ZKSCAN8: variants seen among roughly 807,000 people sequenced by gnomAD.
ZKSCAN8 encodes zinc finger with KRAB and SCAN domains 8.
Under a neutral mutation model 57.2 loss-of-function variants are expected in ZKSCAN8, and 27 were observed. The ratio of observed to expected loss-of-function variants is 0.47; its 90% confidence interval spans 0.35 to 0.65. The LOEUF is 0.65. ZKSCAN8 is among the 30% of genes least tolerant of loss of function. ZKSCAN8 has a pLI of 0.01. For missense variants in ZKSCAN8, 597 were observed against 696.3 expected, an observed-to-expected ratio of 0.86 and a Z score of 1.60; for synonymous variants, 214 against 248.7, an observed-to-expected ratio of 0.86 and a Z score of 1.31.
In ZKSCAN8 at chr6:28,158,179, TTTGGC is replaced by T. The variant is rs1323806766; in HGVS notation, c.*4166_*4170del. 2 of 152,138 alleles carry T rather than the reference TTTGGC, an allele frequency of 1.3e-5. No homozygotes were observed. Among genetic ancestry groups the T allele is most frequent in the African/African-American group, 2.4e-5 (1 of 41,424 alleles). 9.4% of individuals were successfully genotyped at this position (152,138 alleles called of 1,614,324 possible). On this transcript the variant is annotated 3_prime_UTR_variant, in exon 6 of 6. Transcript: ENST00000330236. Reference sequence around the variant, plus strand: ...TTTTATATTGTTGAATTCTCCCTCCTTTGGCTTGTGGGATCCTTTTTCTCTAATAT... The same window carrying T: ...TTTTATATTGTTGAATTCTCCCTCCTTTGTGGGATCCTTTTTCTCTAATAT...
At position 28,156,178 on chromosome 6, in the gene ZKSCAN8, C is replaced by G. The variant is rs1005766215; in HGVS notation, c.*2161C>G. The G allele has an allele frequency of 2.0e-5, 8 of 396,856 alleles. No individual in the cohort carries two copies. The highest frequency in any genetic ancestry group is 1.6e-4 in the African/African-American group (8 of 48,516). 24.6% of individuals were successfully genotyped at this position (396,856 alleles called of 1,614,324 possible). A position where few individuals can be genotyped will look rare whatever the true frequency, so the allele number is the denominator to read the frequency against. Reference sequence around the variant, plus strand: ...GTGTATGTACACATGTGTATGTACACACACACACACACCTGCCATACACTT... The same window carrying G: ...GTGTATGTACACATGTGTATGTACAGACACACACACACCTGCCATACACTT... On this transcript the variant is annotated 3_prime_UTR_variant, in exon 6 of 6. Coordinates refer to ENST00000330236, the MANE Select transcript of ZKSCAN8 (RefSeq NM_006298.4).
At position 28,145,792 on chromosome 6, in the gene ZKSCAN8, G is replaced by C. The variant is rs377722164; in HGVS notation, c.-92-2524G>C. 8.4e-4 allele frequency among the ~76,000 whole-genome samples: 128 copies of C among 152,278 alleles called. 3 individuals carry two copies. In the South Asian group the frequency reaches 0.025, roughly 30 times the overall value. The stretch of plus-strand genomic sequence containing the variant: ...TTCTCCTTTCTCAGAGTCTGTCTCT[G>C]TGTCTTTTTTCCTTTTAAAAGTGTG... On this transcript the variant is annotated intron_variant, in intron 1 of 5. Coordinates refer to ENST00000330236, the MANE Select transcript of ZKSCAN8 (RefSeq NM_006298.4).
In ZKSCAN8 at chr6:28,155,294, T is replaced by C. The variant is rs1443765799; in HGVS notation, c.*1277T>C. On this transcript the variant is annotated 3_prime_UTR_variant, in exon 6 of 6. Coordinates refer to ENST00000330236, the MANE Select transcript of ZKSCAN8 (RefSeq NM_006298.4). ...CAGTATCACCAGGCACTATATTTCA[T>C]CTTTGAGGCTTTTGTTATACCAAGG... 1 of 152,210 alleles carries C rather than the reference T, an allele frequency of 6.6e-6. No homozygotes were observed. Among genetic ancestry groups the C allele is most frequent in the Admixed American group, 6.5e-5 (1 of 15,284 alleles). The allele number at this position is 152,210 out of a possible 1,614,324, so 9.4% of individuals were successfully genotyped here.
chr6:28,153,192 C>A lies in ZKSCAN8; in HGVS notation c.912C>A (p.Asp304Glu), dbSNP rs1561822513. Reference sequence around the variant, plus strand: ...GTCTTGAGCATGAAGAAGCCCGAGACCTTCTGGGCAGATTAGAGAGGCAGC... The same window carrying A: ...GTCTTGAGCATGAAGAAGCCCGAGAACTTCTGGGCAGATTAGAGAGGCAGC... ...IRGLEHEEAR[D>E]LLGRLERQRG... Residue 304 changes from aspartate to glutamate, a missense_variant, in exon 6 of 6, where the codon GAC becomes GAA. Transcript: ENST00000330236. 6.2e-7 allele frequency: 1 copy of A among 1,614,074 alleles called. No homozygotes were observed. The highest frequency in any genetic ancestry group is 1.3e-5 in the African/African-American group (1 of 74,928).
rs201882419 is a variant in ZKSCAN8, at chr6:28,153,533, G to A, written c.1253G>A (p.Ser418Asn). ...CNQCGKAFSQ[S>N]AGLILHQRIH... ...CAGTGTGGGAAGGCTTTCAGTCAGA[G>A]TGCGGGCCTTATTCTGCACCAGAGA... The change falls in exon 6 of 6, where the codon AGT becomes AAT. Residue 418 changes from serine (S) to asparagine (N), a missense_variant. Physicochemically the swap from Ser to Asn is conservative, Grantham distance 46 (BLOSUM62 1). Coordinates refer to ENST00000330236, the MANE Select transcript of ZKSCAN8 (RefSeq NM_006298.4). The A allele has an allele frequency of 1.9e-6, 3 of 1,612,264 alleles. No homozygotes were observed. The highest frequency in any genetic ancestry group is 2.5e-6 in the Non-Finnish European group (3 of 1,178,504).
rs1306573024 is a variant in ZKSCAN8 at position 28,153,054 on chromosome 6, A to G, written c.776-2A>G. The G allele has an allele frequency of 3.1e-6, 5 of 1,612,198 alleles. No homozygotes were observed. The highest frequency in any genetic ancestry group is 4.2e-6 in the Non-Finnish European group (5 of 1,178,726). On this transcript the variant is annotated splice_acceptor_variant, in intron 5 of 5. Transcript: ENST00000330236. LOFTEE classifies it high-confidence loss of function. ...TGTTTGTTTATTACATTTTTATTTC[A>G]GGTGGTGAGACCAGGAGTGAGAACA...
At position 28,154,986 on chromosome 6, in the gene ZKSCAN8, T is replaced by C. The variant is rs1271630440; in HGVS notation, c.*969T>C. 6.6e-6 allele frequency: 1 copy of C among 152,634 alleles called. No homozygotes were observed. Among genetic ancestry groups the C allele is most frequent in the Non-Finnish European group, 1.5e-5 (1 of 68,038 alleles). 9.5% of individuals were successfully genotyped at this position (152,634 alleles called of 1,614,324 possible). A position where few individuals can be genotyped will look rare whatever the true frequency, so the allele number is the denominator to read the frequency against. ...TACAAAGAATGTATACTCATCTTTT[T>C]TGGCCCATTACAATACTGCTTTCTC... On this transcript the variant is annotated 3_prime_UTR_variant, in exon 6 of 6. Coordinates refer to ENST00000330236, the MANE Select transcript of ZKSCAN8 (RefSeq NM_006298.4).
chr6:28,152,448 T>C (rs1210287560), intron 5 of ZKSCAN8, 64 bp downstream of exon 5: 1 of 1,534,822 alleles, frequency 6.5e-7, no homozygotes, highest in Non-Finnish European at 8.7e-7. Context: ...TTTATGTGTA[T>C]AGTAGCTACA....
chr6:28,155,061 C>T lies in ZKSCAN8; in HGVS notation c.*1044C>T, dbSNP rs1469432011. On this transcript the variant is annotated 3_prime_UTR_variant, in exon 6 of 6. Transcript: ENST00000330236. ...TCCCTGACTAGATGGTCTGTCACTCCTATCATTACCTTGCACCCATCTCTT... is the reference window on the plus strand; with the variant it reads ...TCCCTGACTAGATGGTCTGTCACTCTTATCATTACCTTGCACCCATCTCTT... The T allele has an allele frequency of 6.6e-6, 1 of 152,628 alleles. No homozygotes were observed. The highest frequency in any genetic ancestry group is 1.5e-5 in the Non-Finnish European group (1 of 68,054). The allele number at this position is 152,628 out of a possible 1,614,324, so 9.5% of individuals were successfully genotyped here. A position where few individuals can be genotyped will look rare whatever the true frequency, so the allele number is the denominator to read the frequency against.
chr6:28,143,000 A>G (rs1278309280), intron 1 of ZKSCAN8, among the ~76,000 whole-genome samples: 1 of 152,210 alleles, frequency 6.6e-6, no homozygotes, highest in African/African-American at 2.4e-5. Flanking sequence ...TTCCACAACT[A>G]TTGAAAAAAT....
intron 1 of ZKSCAN8, among the ~76,000 whole-genome samples, chr6:28,148,094 G>T (rs1765459599): frequency 6.6e-6 from 1 of 152,124 alleles, no homozygotes; most frequent in African/African-American, 2.4e-5. Flanking sequence ...CCCCAAACAG[G>T]GTGATGAAAG....
rs943626070 is a variant in ZKSCAN8, at chr6:28,159,342, T to G, written c.*5325T>G. ...TCATATTTGTATTTATTTCCAAAATTAAATTGTAAGCTCCTTGAGGGCAGG... is the reference window on the plus strand; with the variant it reads ...TCATATTTGTATTTATTTCCAAAATGAAATTGTAAGCTCCTTGAGGGCAGG... On this transcript the variant is annotated 3_prime_UTR_variant, in exon 6 of 6. Transcript: ENST00000330236. 1 of 152,270 alleles carries G rather than the reference T, an allele frequency of 6.6e-6. No individual in the cohort carries two copies. The highest frequency in any genetic ancestry group is 2.4e-5 in the African/African-American group (1 of 41,470). The allele number at this position is 152,270 out of a possible 1,614,324, so 9.4% of individuals were successfully genotyped here.
chr6:28,143,358 C>T (rs1325701182), intron 1 of ZKSCAN8, among the ~76,000 whole-genome samples: 1 of 152,182 alleles, frequency 6.6e-6, no homozygotes, highest in African/African-American at 2.4e-5. Context: ...GACCTGTTGG[C>T]TGATTTGGTA....
At chr6:28,146,260 C>G (rs1269502476) in intron 1 of ZKSCAN8, among the ~76,000 whole-genome samples, 2 of 152,108 alleles carry the variant, frequency 1.3e-5, no homozygotes, top group African/African-American at 2.4e-5. Flanking sequence ...GGGGAAAATA[C>G]AATTAAGTTT....
chr6:28,142,237 G>A (rs183428844), intron 1 of ZKSCAN8: 3 of 152,270 alleles, frequency 2.0e-5, no homozygotes, highest in African/African-American at 7.2e-5. Context: ...CTTTTATGAA[G>A]CTTTCTTCAT....
intron 3 of ZKSCAN8, among the ~76,000 whole-genome samples, chr6:28,150,709 G>T (rs1271077759): frequency 1.3e-5 from 2 of 152,122 alleles, no homozygotes; most frequent in East Asian, 1.9e-4. Context: ...TTATTGTAAA[G>T]GAGAGTGCTC....
rs942592287 is a variant in ZKSCAN8 at position 28,156,681 on chromosome 6, C to T, written c.*2664C>T. ...TTAACTGTGAATGGCATTCATTAAG[C>T]TCCTTTATCCTATAGATTCTATCTT... On this transcript the variant is annotated 3_prime_UTR_variant, in exon 6 of 6. Transcript: ENST00000330236. The T allele has an allele frequency of 6.5e-6, 1 of 153,042 alleles. No homozygotes were observed. The highest frequency in any genetic ancestry group is 1.5e-5 in the Non-Finnish European group (1 of 68,692). 9.5% of individuals were successfully genotyped at this position (153,042 alleles called of 1,614,324 possible).
rs1765769238 is a variant in ZKSCAN8, at chr6:28,156,030, G to A, written c.*2013G>A. ...AAACAAGTAAATCTGGTTGTATCTA[G>A]ATCTTTGCTCTGTGTTTCAGTTGTG... On this transcript the variant is annotated 3_prime_UTR_variant, in exon 6 of 6. Coordinates refer to ENST00000330236, the MANE Select transcript of ZKSCAN8 (RefSeq NM_006298.4). 1 of 397,198 alleles carries A rather than the reference G, an allele frequency of 2.5e-6. No homozygotes were observed. The highest frequency in any genetic ancestry group is 1.3e-4 in the South Asian group (1 of 7,546). The allele number at this position is 397,198 out of a possible 1,614,324, so 24.6% of individuals were successfully genotyped here.
In ZKSCAN8 at chr6:28,153,413, A is replaced by G. The variant is rs765945582; in HGVS notation, c.1133A>G (p.Tyr378Cys). 1.9e-6 allele frequency: 3 copies of G among 1,614,090 alleles called. No homozygotes were observed. Among genetic ancestry groups the G allele is most frequent in the Non-Finnish European group, 2.5e-6 (3 of 1,180,030 alleles). ...GATATCCACAACAAAGTAAAACGCT[A>G]TCACTGTAAGGAGTGTGGCAAAGCC... The part of the protein sequence containing the change: ...HQDIHNKVKR[Y>C]HCKECGKAFS... The change falls in exon 6 of 6, where the codon TAT becomes TGT. Residue 378 changes from tyrosine to cysteine, a missense_variant. Physicochemically the swap from Tyr to Cys is radical, Grantham distance 194. Transcript: ENST00000330236.
Sources: allele counts gnomAD v4.1 joint callset (sites outside exome capture counted in the v4.1 genomes callset), GRCh38; gene constraint gnomAD v4.1.1; transcripts MANE v1.5; gene names NCBI Gene and HGNC (gene_info 2026-07-23, HGNC 2026-07-21).